The following SEMA6D variants were observed in gnomAD, a reference collection of about 807,000 sequenced individuals.
SEMA6D encodes semaphorin 6D.
In SEMA6D, 35 loss-of-function variants were observed where a neutral mutation model predicts 106.6. The observed-to-expected ratio is 0.33, with a 90% CI of 0.25 to 0.44. SEMA6D has a LOEUF of 0.44. Among genes scored for constraint, SEMA6D ranks in the 20% least tolerant of loss-of-function variants. The pLI is 1.00. For synonymous variants in SEMA6D, 499 were observed against 487.7 expected, an observed-to-expected ratio of 1.02 and a Z score of -0.31; for missense variants, 1,185 against 1,345.9, an observed-to-expected ratio of 0.88 and a Z score of 1.87.
At chr15:47,309,388 T>C (rs1158048994) in intron 1 of SEMA6D, among the ~76,000 whole-genome samples, 4 of 152,216 alleles carry the variant, frequency 2.6e-5, no homozygotes. Context: ...CACTTAGCCA[T>C]CATCTGGAAT....
chr15:47,730,608 GCTT>G (rs1398441167), intron 1 of SEMA6D: 49 of 1,565,700 alleles, frequency 3.1e-5, no homozygotes, highest in Non-Finnish European at 7.9e-6. Flanking sequence ...AACAGTCTCT[GCTT>G]CTTCTCTTGC....
At chr15:47,262,814 T>G (rs2034139782) in intron 1 of SEMA6D, among the ~76,000 whole-genome samples, 1 of 152,080 alleles carries the variant, frequency 6.6e-6, no homozygotes, top group South Asian at 2.1e-4. Context: ...AGAGCTACAG[T>G]AATCAAAACA....
chr15:47,277,817 G>C (rs890019406), intron 1 of SEMA6D, among the ~76,000 whole-genome samples: 1 of 149,390 alleles, frequency 6.7e-6, no homozygotes, highest in Non-Finnish European at 1.5e-5. Flanking sequence ...CTGTGTCCAT[G>C]TGTTCTCATT....
intron 1 of SEMA6D, among the ~76,000 whole-genome samples, chr15:47,300,940 C>G (rs2035995158): frequency 6.6e-6 from 1 of 152,178 alleles, no homozygotes; most frequent in Non-Finnish European, 1.5e-5. Context: ...ATCTTATTGC[C>G]TGCAAGAAAA....
intron 1 of SEMA6D, among the ~76,000 whole-genome samples, chr15:47,211,446 C>T (rs2030007335): frequency 6.6e-6 from 1 of 152,082 alleles, no homozygotes; most frequent in Non-Finnish European, 1.5e-5. Context: ...TAGTCCATTG[C>T]TAATACAAAG....
intron 1 of SEMA6D, among the ~76,000 whole-genome samples, chr15:47,376,126 C>A (rs1004752021): frequency 6.6e-6 from 1 of 152,186 alleles, no homozygotes; most frequent in African/African-American, 2.4e-5. Flanking sequence ...AAGAAAACAG[C>A]TCTATAACAC....
chr15:47,488,745 C>T (rs1267063696), intron 3 of SEMA6D, among the ~76,000 whole-genome samples: 1 of 152,000 alleles, frequency 6.6e-6, no homozygotes. Context: ...TGAGCAGGGC[C>T]TGGAAGAAAT....
At chr15:47,533,056 C>T (rs1435179247) in intron 3 of SEMA6D, among the ~76,000 whole-genome samples, 2 of 152,172 alleles carry the variant, frequency 1.3e-5, no homozygotes, top group African/African-American at 2.4e-5. Context: ...AAAAAGTCCT[C>T]AGATGTTATT....
At chr15:47,709,676 C>T (rs946611390) in intron 4 of SEMA6D, among the ~76,000 whole-genome samples, 6 of 152,112 alleles carry the variant, frequency 3.9e-5, no homozygotes, top group Non-Finnish European at 8.8e-5. Context: ...GGGAGGTCCC[C>T]TTTTCCCTTG....
At chr15:47,207,993 G>GCGCACACACACACACACACACA (rs1424944556) in intron 1 of SEMA6D, among the ~76,000 whole-genome samples, 21 of 89,386 alleles carry the variant, frequency 2.3e-4, no homozygotes, top group African/African-American at 2.9e-4. Flanking sequence ...TGGCGCGCGC[G>GCGCACACACACACACACACACA]CACACACACA....
intron 1 of SEMA6D, among the ~76,000 whole-genome samples, chr15:47,394,554 C>T (rs1056371622): frequency 5.3e-5 from 8 of 152,136 alleles, no homozygotes; most frequent in Admixed American, 1.3e-4. Flanking sequence ...TCACTAATCA[C>T]TTCCCTCACA....
Position 47,318,781 on chromosome 15 carries a change from C to T in SEMA6D, c.-238-93612C>T, listed in dbSNP as rs1398667874. Among the ~76,000 whole-genome samples, 4 of 144,000 alleles carry T rather than the reference C, an allele frequency of 2.8e-5. 1 individual carries two copies. Among genetic ancestry groups the T allele is most frequent in the Admixed American group, 1.4e-4 (2 of 14,214 alleles). The allele number at this position is 144,000 out of a possible 152,430, so 94.5% of individuals were successfully genotyped here. ...GATTTATAGTCCTTTGGGTATATAC[C>T]CAGTAATGGGATGGCTGGGTCAAAT... On this transcript the variant is annotated intron_variant, in intron 1 of 19. Coordinates refer to the SEMA6D transcript ENST00000558014.
At chr15:47,706,545 G>A (rs1304379316) in intron 4 of SEMA6D, among the ~76,000 whole-genome samples, 2 of 152,070 alleles carry the variant, frequency 1.3e-5, no homozygotes, top group African/African-American at 4.8e-5. Flanking sequence ...AAAACAAAAA[G>A]AAAAGAAAAG....
intron 1 of SEMA6D, among the ~76,000 whole-genome samples, chr15:47,376,446 A>T (rs1195177763): frequency 3.3e-5 from 5 of 152,242 alleles, no homozygotes; most frequent in Non-Finnish European, 7.3e-5. Flanking sequence ...GATGTTGAAC[A>T]TAAAAGTTGG....
chr15:47,730,638 AC>A (rs2080059919), intron 1 of SEMA6D: 16 of 1,591,926 alleles, frequency 1.0e-5, no homozygotes, highest in Non-Finnish European at 1.4e-5. Flanking sequence ...TCTGGTCTGT[AC>A]TTGTGGGCCA....
intron 3 of SEMA6D, among the ~76,000 whole-genome samples, chr15:47,519,889 G>A (rs776837526): frequency 4.6e-5 from 7 of 152,124 alleles, no homozygotes; most frequent in African/African-American, 1.2e-4. Flanking sequence ...TGTCATTATC[G>A]TCATCATCAC....
intron 4 of SEMA6D, among the ~76,000 whole-genome samples, chr15:47,687,176 A>G (rs2078488640): frequency 6.6e-6 from 1 of 152,114 alleles, no homozygotes; most frequent in South Asian, 2.1e-4. Flanking sequence ...TAGAGATAAA[A>G]TGAAAGCTCC....
At chr15:47,376,007 C>T (rs1359798725) in intron 1 of SEMA6D, among the ~76,000 whole-genome samples, 1 of 152,192 alleles carries the variant, frequency 6.6e-6, no homozygotes, top group Non-Finnish European at 1.5e-5. Flanking sequence ...TTATTAGCTA[C>T]AGGAGTATCC....
intron 1 of SEMA6D, among the ~76,000 whole-genome samples, chr15:47,732,887 T>C (rs895652810): frequency 2.6e-5 from 4 of 152,212 alleles, no homozygotes; most frequent in African/African-American, 9.6e-5. Flanking sequence ...CCATATTTGT[T>C]TCCTGTAGCT....
Sources: allele counts gnomAD v4.1 joint callset (sites outside exome capture counted in the v4.1 genomes callset), GRCh38; gene constraint gnomAD v4.1.1; transcripts MANE v1.5; gene names NCBI Gene and HGNC (gene_info 2026-07-23, HGNC 2026-07-21).